Variants in PCDH15 observed in about 807,000 individuals in gnomAD.
PCDH15 encodes the protein protocadherin-15.
In PCDH15, 129 loss-of-function variants were observed where a neutral mutation model predicts 178.5. That is an observed-to-expected ratio of 0.72 (90% CI 0.63 to 0.84). The LOEUF is 0.84. PCDH15 is among the 40% of genes least tolerant of loss of function. The pLI is 0.00. For synonymous variants in PCDH15, 800 were observed against 732.0 expected, an observed-to-expected ratio of 1.09 and a Z score of -1.50; for missense variants, 2,230 against 2,099.9, an observed-to-expected ratio of 1.06 and a Z score of -1.21.
chr10:54,084,777 G>A (rs1217965059), intron 16 of PCDH15, among the ~76,000 whole-genome samples: 2 of 152,184 alleles, frequency 1.3e-5, no homozygotes, highest in African/African-American at 4.8e-5. Context: ...ATGATGTATA[G>A]GCTTTGCTTA....
intron 1 of PCDH15, among the ~76,000 whole-genome samples, chr10:54,708,580 A>G (rs1425350989): frequency 4.6e-5 from 7 of 152,192 alleles, no homozygotes; most frequent in Admixed American, 4.6e-4. Context: ...TTGCAGTTAC[A>G]TGGTTTTACT....
At chr10:53,832,055 A>G (rs1365653239) in intron 29 of PCDH15, among the ~76,000 whole-genome samples, 1 of 151,896 alleles carries the variant, frequency 6.6e-6, no homozygotes, top group Non-Finnish European at 1.5e-5. Context: ...TTTGTTTGCC[A>G]TAACACCATC....
intron 2 of PCDH15, among the ~76,000 whole-genome samples, chr10:54,557,845 G>T (rs1042276969): frequency 1.3e-5 from 2 of 151,948 alleles, no homozygotes; most frequent in Non-Finnish European, 2.9e-5. Flanking sequence ...AAAACTTTTT[G>T]GTTTGGTCAT....
rs533365892 is a variant in PCDH15 at position 54,566,168 on chromosome 10, T to A, written c.92-38291A>T. Reference sequence around the variant, plus strand: ...ATTCAATTTGTGGTATAATTTTTTGTCATATTTGAAGAATTTTCTTCACAG... The same window carrying A: ...ATTCAATTTGTGGTATAATTTTTTGACATATTTGAAGAATTTTCTTCACAG... On this transcript the variant is annotated intron_variant, in intron 2 of 37. Coordinates refer to ENST00000644397, the MANE Select transcript of PCDH15 (RefSeq NM_001384140.1). 1.8e-4 allele frequency among the ~76,000 whole-genome samples: 28 copies of A among 152,230 alleles called. No individual in the cohort carries two copies. The South Asian group carries it at 5.8e-3, about 32-fold the overall frequency.
At chr10:53,907,730 G>T (rs565830310) in intron 25 of PCDH15, among the ~76,000 whole-genome samples, 1 of 152,090 alleles carries the variant, frequency 6.6e-6, no homozygotes, top group African/African-American at 2.4e-5. Context: ...TAAAGAAAGA[G>T]AAAATAATAC....
intron 2 of PCDH15, among the ~76,000 whole-genome samples, chr10:55,487,324 A>G (rs1840317229): frequency 1.3e-5 from 2 of 151,676 alleles, no homozygotes; most frequent in Admixed American, 1.3e-4. Context: ...CATAAGCACA[A>G]CTGAGGTTTG....
intron 3 of PCDH15, among the ~76,000 whole-genome samples, chr10:54,484,003 T>A (rs2078914031): frequency 6.6e-6 from 1 of 151,884 alleles, no homozygotes; most frequent in Admixed American, 6.6e-5. Flanking sequence ...ATAGATGATT[T>A]TTCCCACTGT....
intron 2 of PCDH15, among the ~76,000 whole-genome samples, chr10:55,078,656 T>A (rs114214462): frequency 0.014 from 2,195 of 152,208 alleles, 56 homozygotes; most frequent in African/African-American, 0.05. Flanking sequence ...GTTTTAGGGG[T>A]ACAGCTCATT....
chr10:55,245,155 G>A (rs2384631), intron 1 of PCDH15, among the ~76,000 whole-genome samples: 1,600 of 152,114 alleles, frequency 0.011, 39 homozygotes, highest in African/African-American at 0.037. Flanking sequence ...GATGTGTAAA[G>A]CATAAAAATA....
At chr10:54,079,838 T>C (rs1459285804) in intron 16 of PCDH15, among the ~76,000 whole-genome samples, 1 of 152,176 alleles carries the variant, frequency 6.6e-6, no homozygotes, top group Non-Finnish European at 1.5e-5. Flanking sequence ...ATGTCATATG[T>C]ATGTCCATTA....
Position 54,853,310 on chromosome 10 carries a change from T to TATATAC in PCDH15, c.-29+44139_-29+44140insGTATAT, listed in dbSNP as rs1554806789. Among the ~76,000 whole-genome samples the TATATAC allele has an allele frequency of 8.8e-4, 87 of 99,152 alleles. 2 individuals are homozygous for TATATAC. Among genetic ancestry groups the TATATAC allele is most frequent in the African/African-American group, 2.1e-3 (46 of 22,420 alleles). 65.0% of individuals were successfully genotyped at this position (99,152 alleles called of 152,430 possible). A position where few individuals can be genotyped will look rare whatever the true frequency, so the allele number is the denominator to read the frequency against. ...GTGTGTATATATATATATATATATA[T>TATATAC]ATATATATACATACACACACATATA... On this transcript the variant is annotated intron_variant, in intron 3 of 5. Transcript: ENST00000458638.
intron 3 of PCDH15, among the ~76,000 whole-genome samples, chr10:54,401,066 G>T (rs975908131): frequency 1.3e-5 from 2 of 151,858 alleles, no homozygotes; most frequent in Admixed American, 6.6e-5. Flanking sequence ...AAATTAAAAA[G>T]ATTTTAGTAA....
chr10:53,986,130 A>G (rs905660928), intron 21 of PCDH15, among the ~76,000 whole-genome samples: 3 of 152,142 alleles, frequency 2.0e-5, no homozygotes, highest in Non-Finnish European at 4.4e-5. Context: ...AAATAACTCA[A>G]TTAAGAAATG....
At chr10:53,953,656 G>GT (rs1167362420) in intron 23 of PCDH15, among the ~76,000 whole-genome samples, 3 of 152,106 alleles carry the variant, frequency 2.0e-5, no homozygotes, top group Non-Finnish European at 2.9e-5. Flanking sequence ...TGAGAAATGT[G>GT]TTTTTAAATA....
chr10:54,845,104 AAAGG>A (rs1355096299), intron 3 of PCDH15, among the ~76,000 whole-genome samples: 1 of 151,932 alleles, frequency 6.6e-6, no homozygotes, highest in Admixed American at 6.6e-5. Context: ...ATCTTTTAGA[AAAGG>A]AAAAGCCTTT....
At chr10:53,990,531 A>T (rs1204889122) in intron 21 of PCDH15, among the ~76,000 whole-genome samples, 1 of 148,610 alleles carries the variant, frequency 6.7e-6, no homozygotes, top group Non-Finnish European at 1.5e-5. Flanking sequence ...TATGTTCTAT[A>T]TATGTTTTAT....
intron 2 of PCDH15, among the ~76,000 whole-genome samples, chr10:55,373,599 T>C (rs1184685090): frequency 6.6e-6 from 1 of 151,960 alleles, no homozygotes; most frequent in Non-Finnish European, 1.5e-5. Flanking sequence ...GAGGAAAACA[T>C]GAGGCCACCA....
intron 3 of PCDH15, among the ~76,000 whole-genome samples, chr10:54,493,053 C>A (rs556791957): frequency 6.6e-6 from 1 of 152,250 alleles, no homozygotes; most frequent in East Asian, 1.9e-4. Context: ...GACTTATTCA[C>A]TGTCACTAGA....
chr10:55,072,711 C>A (rs980776027), intron 2 of PCDH15, among the ~76,000 whole-genome samples: 2 of 151,790 alleles, frequency 1.3e-5, no homozygotes, highest in Admixed American at 1.3e-4. Context: ...CTATTCCAAT[C>A]AATAGAAAAA....
Sources: gnomAD v4.1 joint callset for allele counts (sites outside exome capture counted in the v4.1 genomes callset) on GRCh38, gnomAD v4.1.1 for gene constraint, MANE v1.5 for transcripts, NCBI Gene and HGNC (gene_info 2026-07-23, HGNC 2026-07-21) for gene names.